CDH23: variants seen among roughly 807,000 people sequenced by gnomAD.
CDH23 encodes cadherin related 23, also known as cadherin-23.
Under a neutral mutation model 317.1 loss-of-function variants are expected in CDH23, and 189 were observed. The ratio of observed to expected loss-of-function variants is 0.60; its 90% CI spans 0.53 to 0.67. The LOEUF (loss-of-function observed/expected upper bound fraction) is 0.67. CDH23 is among the 30% of genes least tolerant of loss of function. The probability of loss-of-function intolerance (pLI) is 0.00; values close to 1 mark genes in which losing one functional copy is unlikely to be tolerated. For synonymous variants in CDH23, 1,839 were observed against 1,876.8 expected, an observed-to-expected ratio of 0.98 and a Z score of 0.52; for missense variants, 4,401 against 4,592.4, an observed-to-expected ratio of 0.96 and a Z score of 1.20.
intron 9 of CDH23, among the ~76,000 whole-genome samples, chr10:71,584,447 AT>A (rs1355528876): frequency 7.2e-5 from 11 of 152,120 alleles, no homozygotes; most frequent in African/African-American, 2.7e-4. Context: ...TTGTCTCTGA[AT>A]TTTATTTTAA....
intron 3 of CDH23, among the ~76,000 whole-genome samples, chr10:71,481,711 G>A (rs1564607734): frequency 6.6e-6 from 1 of 152,222 alleles, no homozygotes; most frequent in African/African-American, 2.4e-5. Context: ...GGACTTCTTG[G>A]ATCAGTTTCT....
rs1839798532 is a variant in CDH23 at position 71,744,084 on chromosome 10, C to T, written c.4845+2163C>T. On this transcript the variant is annotated intron_variant, in intron 38 of 69. Coordinates refer to ENST00000224721, the MANE Select transcript of CDH23 (RefSeq NM_022124.6). ...GGCCAGAAGTGGCTCACGTGGGCAC[C>T]CTAGCTGCAAGGGAGGTTAGAAAAA... is the stretch of plus-strand genomic sequence containing the variant. 2.0e-5 allele frequency among the ~76,000 whole-genome samples: 3 copies of T among 152,134 alleles called. No individual in the cohort carries two copies. The South Asian group carries it at 6.2e-4, about 32-fold the overall frequency.
chr10:71,758,364 G>A (rs751201278), intron 38 of CDH23, among the ~76,000 whole-genome samples: 3 of 152,188 alleles, frequency 2.0e-5, no homozygotes, highest in Non-Finnish European at 4.4e-5. Flanking sequence ...CCCACTGGAT[G>A]TCTGACACAT....
At chr10:71,472,955 T>C (rs1851595853) in intron 3 of CDH23, among the ~76,000 whole-genome samples, 1 of 152,224 alleles carries the variant, frequency 6.6e-6, no homozygotes, top group African/African-American at 2.4e-5. Context: ...GTGGCAAACA[T>C]TTTTCCTTTA....
chr10:71,711,578 A>T (rs1426550589), intron 27 of CDH23: 2 of 152,084 alleles, frequency 1.3e-5, no homozygotes, highest in African/African-American at 4.8e-5. Flanking sequence ...GTCCTGTGGG[A>T]ACTGGAGGGA....
At chr10:71,759,322 G>A (rs1840235655) in intron 38 of CDH23, among the ~76,000 whole-genome samples, 1 of 151,914 alleles carries the variant, frequency 6.6e-6, no homozygotes, top group Non-Finnish European at 1.5e-5. Context: ...ACAGGCGTGA[G>A]CCACCGCACC....
chr10:71,652,032 C>G (rs1008695729), intron 14 of CDH23, among the ~76,000 whole-genome samples: 2 of 152,196 alleles, frequency 1.3e-5, no homozygotes. Flanking sequence ...CAGAAATGGG[C>G]AGAAGATGGA....
At position 71,565,296 on chromosome 10, in the gene CDH23, G is replaced by A. The variant is rs548444781; in HGVS notation, c.430-1446G>A. Reference sequence around the variant, plus strand: ...CCCTAGGGCTGAAGGGAAAGGAGACGAAAATTGTATTATCAGAGCCCACTG... The same window carrying A: ...CCCTAGGGCTGAAGGGAAAGGAGACAAAAATTGTATTATCAGAGCCCACTG... On this transcript the variant is annotated intron_variant, in intron 6 of 69. Transcript: ENST00000224721. Among the ~76,000 whole-genome samples the A allele has an allele frequency of 2.2e-4, 33 of 152,246 alleles. No individual in the cohort carries two copies. In the South Asian group the frequency reaches 5.8e-3, roughly 27 times the overall value.
intron 30 of CDH23, among the ~76,000 whole-genome samples, chr10:71,730,106 G>A (rs1487146290): frequency 6.6e-6 from 1 of 152,100 alleles, no homozygotes; most frequent in Non-Finnish European, 1.5e-5. Context: ...AGTGCTGCTG[G>A]GATTACAGGC....
At position 71,798,392 on chromosome 10, in the gene CDH23, A is replaced by T. The variant is rs932425608; in HGVS notation, c.6868A>T (p.Thr2290Ser). ...TVNVLDVNDN[T>S]PQFKPFGITY... ...CAACGTCCTGGACGTCAATGACAAT[A>T]CGCCCCAGTTCAAGCCCTTTGGGAT... Residue 2290 changes from threonine (T) to serine (S), a missense_variant, in exon 50 of 70, where the codon ACG becomes TCG. Coordinates refer to ENST00000224721, the MANE Select transcript of CDH23 (RefSeq NM_022124.6). 3.7e-6 allele frequency: 6 copies of T among 1,613,820 alleles called. No homozygotes were observed. In the African/African-American group the frequency reaches 8.0e-5, roughly 22 times the overall value.
intron 16 of CDH23, 135 bp downstream of exon 16, chr10:71,677,828 C>T (rs902972164): frequency 3.6e-5 from 26 of 720,746 alleles, no homozygotes; most frequent in Non-Finnish European, 5.6e-5. Flanking sequence ...TGCAGTGGTA[C>T]AATCAGAGTT....
At chr10:71,485,441 T>G (rs1852294974) in intron 3 of CDH23, among the ~76,000 whole-genome samples, 2 of 152,242 alleles carry the variant, frequency 1.3e-5, no homozygotes. Context: ...TGGCCATCCG[T>G]CCTGCATTGA....
chr10:71,702,102 C>T lies in CDH23; in HGVS notation c.2478C>T (p.Leu826=), dbSNP rs760496019. The T allele has an allele frequency of 3.1e-6, 5 of 1,613,998 alleles. No individual in the cohort carries two copies. The highest frequency in any genetic ancestry group is 4.2e-6 in the Non-Finnish European group (5 of 1,179,888). Residue 826 remains leucine, a synonymous_variant, in exon 23 of 70, where the codon CTC becomes CTT. Transcript: ENST00000224721. ...AGCCACCCAACAAGTTCTACAGCCTCAACAGCACCACGGGCAAGATCCGCA... is the reference window on the plus strand; with the variant it reads ...AGCCACCCAACAAGTTCTACAGCCTTAACAGCACCACGGGCAAGATCCGCA... ...SIQPPNKFYS[L]NSTTGKIRTT... is the part of the protein sequence containing the mutation.
intron 14 of CDH23, among the ~76,000 whole-genome samples, chr10:71,671,927 G>A (rs1864164999): frequency 1.3e-5 from 2 of 152,184 alleles, no homozygotes; most frequent in Non-Finnish European, 2.9e-5. Context: ...TGCAGTTGTA[G>A]TTATAGGTGA....
chr10:71,510,757 TA>T (rs1006122569), intron 4 of CDH23, among the ~76,000 whole-genome samples, 196 bp from the exon 5 acceptor site: 2 of 152,074 alleles, frequency 1.3e-5, no homozygotes, highest in African/African-American at 4.8e-5. Context: ...ATTGCTCTCT[TA>T]AAGCAAGGAT....
chr10:71,787,164 A>G (rs551382910), intron 44 of CDH23, among the ~76,000 whole-genome samples: 53 of 152,090 alleles, frequency 3.5e-4, no homozygotes, highest in Non-Finnish European at 6.6e-4. Flanking sequence ...ATGGAACAGG[A>G]TTCAATCCCA....
chr10:71,694,303 C>G, intron 21 of CDH23, 44 bp downstream of exon 21: 1 of 1,454,294 alleles, frequency 6.9e-7, no homozygotes, highest in Non-Finnish European at 9.6e-7. Context: ...CCTCGCCGGC[C>G]AGGCTGCTGC....
intron 11 of CDH23, among the ~76,000 whole-genome samples, chr10:71,622,751 C>T (rs1281987099): frequency 1.3e-5 from 2 of 152,314 alleles, no homozygotes; most frequent in South Asian, 2.1e-4. Flanking sequence ...CTCTGCCTCA[C>T]TCCTGACCCC....
intron 9 of CDH23, among the ~76,000 whole-genome samples, chr10:71,594,557 G>A (rs1189779564): frequency 6.6e-6 from 1 of 152,146 alleles, no homozygotes; most frequent in Non-Finnish European, 1.5e-5. Context: ...TATTTTTTTA[G>A]TAGAGATGGG....
Sources: gnomAD v4.1 joint callset for allele counts (sites outside exome capture counted in the v4.1 genomes callset) on GRCh38, gnomAD v4.1.1 for gene constraint, MANE v1.5 for transcripts, NCBI Gene and HGNC (gene_info 2026-07-23, HGNC 2026-07-21) for gene names.